RCAN2: variants seen among roughly 807,000 people sequenced by gnomAD.
RCAN2 encodes regulator of calcineurin 2, also known as calcipressin-2.
In RCAN2, 9 loss-of-function variants were observed where a neutral mutation model predicts 23.6. The observed-to-expected ratio is 0.38, with a 90% CI of 0.23 to 0.67. The LOEUF (loss-of-function observed/expected upper bound fraction) is 0.67. Ranked by LOEUF, RCAN2 falls within the 30% of genes least tolerant of loss-of-function variation. The pLI is 0.51. For missense variants in RCAN2, 273 were observed against 302.3 expected (o/e 0.90, Z 0.72); for synonymous variants, 109 against 115.7 (o/e 0.94, Z 0.37).
intron 2 of RCAN2, among the ~76,000 whole-genome samples, chr6:46,316,636 C>T (rs1763447647): frequency 6.6e-6 from 1 of 152,166 alleles, no homozygotes; most frequent in Admixed American, 6.5e-5. Context: ...TAATCTGAGG[C>T]CGTGACCATA....
intron 1 of RCAN2, among the ~76,000 whole-genome samples, chr6:46,462,480 T>C (rs999423289): frequency 6.6e-6 from 1 of 152,208 alleles, no homozygotes; most frequent in Non-Finnish European, 1.5e-5. Context: ...AATAACATGA[T>C]AGCACTTTTT....
chr6:46,262,994 T>C (rs1703652742), intron 2 of RCAN2, among the ~76,000 whole-genome samples: 1 of 152,212 alleles, frequency 6.6e-6, no homozygotes, highest in Non-Finnish European at 1.5e-5. Context: ...AACAGTGTTG[T>C]TAGTGAGGGC....
chr6:46,452,934 T>C (rs1245720021), intron 2 of RCAN2, among the ~76,000 whole-genome samples: 1 of 152,202 alleles, frequency 6.6e-6, no homozygotes, highest in African/African-American at 2.4e-5. Context: ...ACTTAAAGTA[T>C]AATAATAAAA....
intron 2 of RCAN2, among the ~76,000 whole-genome samples, chr6:46,329,480 C>T (rs1266148213): frequency 6.6e-6 from 1 of 152,146 alleles, no homozygotes; most frequent in African/African-American, 2.4e-5. Flanking sequence ...TGCTTATTCC[C>T]AGGGGCTAGA....
At chr6:46,387,808 GT>G (rs1765800569) in intron 2 of RCAN2, among the ~76,000 whole-genome samples, 1 of 152,174 alleles carries the variant, frequency 6.6e-6, no homozygotes, top group Non-Finnish European at 1.5e-5. Context: ...GCACACGTAT[GT>G]TTATTGTGGC....
chr6:46,403,716 T>A (rs1017324054), intron 2 of RCAN2, among the ~76,000 whole-genome samples: 1 of 152,146 alleles, frequency 6.6e-6, no homozygotes, highest in African/African-American at 2.4e-5. Context: ...ATATTTTTCA[T>A]TCCTATCTAG....
chr6:46,355,478 A>G (rs567618266), intron 2 of RCAN2, among the ~76,000 whole-genome samples: 23 of 152,296 alleles, frequency 1.5e-4, no homozygotes, highest in Non-Finnish European at 2.9e-4. Context: ...ATCTTCTTCT[A>G]TAAGTTAAGA....
intron 2 of RCAN2, among the ~76,000 whole-genome samples, chr6:46,369,756 G>A (rs1015505694): frequency 6.6e-6 from 1 of 152,186 alleles, no homozygotes; most frequent in African/African-American, 2.4e-5. Flanking sequence ...GCTCTTAGAC[G>A]TAGTTTTAAA....
In RCAN2 at chr6:46,330,053, GT is replaced by G. The variant is rs1452320738; in HGVS notation, c.226-81158del. Among the ~76,000 whole-genome samples the G allele has an allele frequency of 9.8e-5, 15 of 152,300 alleles. No individual in the cohort carries two copies. In the East Asian group the frequency reaches 2.9e-3, roughly 29 times the overall value. On this transcript the variant is annotated intron_variant, in intron 2 of 4. Transcript: ENST00000371374. ...TTCTGTATGGCCTTCTGGATCATCTGTTTTTTAAATGTTTATTATGGAGAAT... is the reference window on the plus strand; with the variant it reads ...TTCTGTATGGCCTTCTGGATCATCTGTTTTTAAATGTTTATTATGGAGAAT...
At chr6:46,306,723 A>G (rs1561851468) in intron 2 of RCAN2, among the ~76,000 whole-genome samples, 1 of 152,072 alleles carries the variant, frequency 6.6e-6, no homozygotes, top group Non-Finnish European at 1.5e-5. Flanking sequence ...GGAGCTCACT[A>G]AACGTTTCTG....
intron 2 of RCAN2, among the ~76,000 whole-genome samples, chr6:46,378,660 G>C (rs900927589): frequency 6.6e-6 from 1 of 152,166 alleles, no homozygotes; most frequent in African/African-American, 2.4e-5. Flanking sequence ...CAAGCCTCAG[G>C]GGGGTTAGTC....
intron 2 of RCAN2, among the ~76,000 whole-genome samples, chr6:46,359,102 A>C (rs1209645008): frequency 6.6e-6 from 1 of 152,210 alleles, no homozygotes; most frequent in African/African-American, 2.4e-5. Flanking sequence ...CATCGGATCT[A>C]GTGTAAGGCA....
At chr6:46,333,181 A>G (rs113642603) in intron 2 of RCAN2, among the ~76,000 whole-genome samples, 5,460 of 151,654 alleles carry the variant, frequency 0.036, 311 homozygotes, top group African/African-American at 0.12. Flanking sequence ...AAATTTGTTT[A>G]AGTTCATTGT....
intron 2 of RCAN2, among the ~76,000 whole-genome samples, chr6:46,342,155 C>T (rs370714231): frequency 6.6e-6 from 1 of 152,232 alleles, no homozygotes; most frequent in East Asian, 1.9e-4. Context: ...CTATGAAAGA[C>T]TGGCTCTAGG....
chr6:46,326,401 C>T (rs1362818020), intron 2 of RCAN2, among the ~76,000 whole-genome samples: 4 of 152,158 alleles, frequency 2.6e-5, no homozygotes, highest in South Asian at 2.1e-4. Context: ...GTCAGATCCT[C>T]GGGGCTTGAC....
At chr6:46,354,510 C>G (rs1291449813) in intron 2 of RCAN2, among the ~76,000 whole-genome samples, 1 of 152,174 alleles carries the variant, frequency 6.6e-6, no homozygotes, top group African/African-American at 2.4e-5. Flanking sequence ...CAAGGAACCT[C>G]TCTGTATTGC....
Position 46,306,218 on chromosome 6 carries a change from C to T in RCAN2, c.226-57322G>A, listed in dbSNP as rs1054800686. On this transcript the variant is annotated intron_variant, in intron 2 of 4. Coordinates refer to ENST00000371374, the MANE Select transcript of RCAN2 (RefSeq NM_001251974.2). ...TTGTCTCCATGTCCAAAGAGCCAAA[C>T]GATGAGAGTTGTCAACAGACGGCTC... is the stretch of plus-strand genomic sequence containing the variant. 3.9e-5 allele frequency among the ~76,000 whole-genome samples: 6 copies of T among 152,072 alleles called. 1 individual carries two copies. In the South Asian group the frequency reaches 1.0e-3, roughly 26 times the overall value.
intron 2 of RCAN2, among the ~76,000 whole-genome samples, chr6:46,302,528 C>T (rs759660824): frequency 3.3e-5 from 5 of 152,072 alleles, no homozygotes; most frequent in African/African-American, 7.2e-5. Context: ...CAATAAATTA[C>T]GCTTTTTGCA....
At position 46,232,687 on chromosome 6, in the gene RCAN2, G is replaced by A. The variant is rs148514339; in HGVS notation, c.572-9386C>T. Among the ~76,000 whole-genome samples, 16 of 151,588 alleles carry A rather than the reference G, an allele frequency of 1.1e-4. No homozygotes were observed. The South Asian group carries it at 2.1e-3, about 20-fold the overall frequency. On this transcript the variant is annotated intron_variant, in intron 4 of 4. Coordinates refer to ENST00000371374, the MANE Select transcript of RCAN2 (RefSeq NM_001251974.2). ...GCATGCCTGAAGTCCCAGCTACTGC[G>A]GAGGCTGAGGCATGAGAATCACTTA...
Sources: allele counts gnomAD v4.1 joint callset (sites outside exome capture counted in the v4.1 genomes callset), GRCh38; gene constraint gnomAD v4.1.1; transcripts MANE v1.5; gene names NCBI Gene and HGNC (gene_info 2026-07-23, HGNC 2026-07-21).